The following PDK1 variants were observed in gnomAD, a reference collection of about 807,000 sequenced individuals.
PDK1 encodes [Pyruvate dehydrogenase (acetyl-transferring)] kinase isozyme 1, mitochondrial.
Under a neutral mutation model 54.2 loss-of-function variants are expected in PDK1, and 39 were observed. That is an observed-to-expected ratio of 0.72 (90% confidence interval 0.56 to 0.94). The LOEUF (loss-of-function observed/expected upper bound fraction) is 0.94. Among genes scored for constraint, PDK1 ranks in the 40% least tolerant of loss-of-function variants. The probability of loss-of-function intolerance (pLI) is 0.00; values close to 1 mark genes in which losing one functional copy is unlikely to be tolerated. For missense variants in PDK1, 552 were observed against 566.0 expected (o/e 0.98, Z 0.25); for synonymous variants, 221 against 207.1 (o/e 1.07, Z -0.58).
In PDK1 at chr2:172,562,865, T is replaced by C. The variant is rs994253834; in HGVS notation, c.410+574T>C. On this transcript the variant is annotated intron_variant, in intron 3 of 10. Coordinates refer to ENST00000282077, the MANE Select transcript of PDK1 (RefSeq NM_002610.5). ...TTGGTAAACCAAAGTATTTGCCTTA[T>C]GCAGCTACCTGCTTATTGCAGTGAA... is the stretch of plus-strand genomic sequence containing the variant. 5 of 1,440,764 alleles carry C rather than the reference T, an allele frequency of 3.5e-6. No homozygotes were observed. The Admixed American group carries it at 7.4e-5, about 21-fold the overall frequency. The allele number at this position is 1,440,764 out of a possible 1,614,324, so 89.2% of individuals were successfully genotyped here.
At chr2:172,576,351 T>G (rs191666550) in intron 8 of PDK1, among the ~76,000 whole-genome samples, 202 of 150,114 alleles carry the variant, frequency 1.3e-3, no homozygotes, top group African/African-American at 4.8e-3. Flanking sequence ...ATGTCCCCAC[T>G]TTCATTCCTG....
intron 8 of PDK1, among the ~76,000 whole-genome samples, chr2:172,580,890 GA>G (rs1689865945): frequency 6.6e-6 from 1 of 151,956 alleles, no homozygotes; most frequent in Non-Finnish European, 1.5e-5. Flanking sequence ...TTATTTACAT[GA>G]AATGTCCAGA....
the PDK1 span, among the ~76,000 whole-genome samples, chr2:172,705,180 AT>A: frequency 6.6e-6 from 1 of 152,252 alleles, no homozygotes; most frequent in Non-Finnish European, 1.5e-5. Context: ...GTACAAAAAA[AT>A]GTACAAAATT....
intron 8 of PDK1, among the ~76,000 whole-genome samples, chr2:172,571,849 T>TTTTTTTTG (rs1553480311): frequency 7.3e-6 from 1 of 136,680 alleles, no homozygotes; most frequent in Non-Finnish European, 1.6e-5. Flanking sequence ...TTTTTTTTTT[T>TTTTTTTTG]GAGATGGAGT....
At chr2:172,638,734 A>G in the PDK1 span, among the ~76,000 whole-genome samples, 1 of 152,142 alleles carries the variant, frequency 6.6e-6, no homozygotes, top group Non-Finnish European at 1.5e-5. Context: ...CTCTGTGTCT[A>G]GCTAATTGGG....
the PDK1 span, among the ~76,000 whole-genome samples, chr2:172,653,150 C>T: frequency 6.6e-6 from 1 of 152,034 alleles, no homozygotes; most frequent in Admixed American, 6.6e-5. Context: ...AGAACAGAGC[C>T]CTCGGAAATA....
At chr2:172,621,729 ATCTCATATATGTCATATATGTTTATATC>A in the PDK1 span, among the ~76,000 whole-genome samples, 1 of 146,804 alleles carries the variant, frequency 6.8e-6, no homozygotes, top group African/African-American at 2.5e-5. Flanking sequence ...ATATGTTTAT[ATCTCATATATGTCATATATGTTTATATC>A]TCATATATGT....
At chr2:172,635,999 C>G in the PDK1 span, among the ~76,000 whole-genome samples, 1 of 152,238 alleles carries the variant, frequency 6.6e-6, no homozygotes, top group Non-Finnish European at 1.5e-5. Context: ...CTAACCAAAA[C>G]TGATGTTTCC....
the PDK1 span, among the ~76,000 whole-genome samples, chr2:172,717,398 G>T: frequency 6.6e-6 from 1 of 152,148 alleles, no homozygotes; most frequent in Non-Finnish European, 1.5e-5. Context: ...AATAATAAAC[G>T]CTTGTTGTTT....
At chr2:172,643,558 C>T in the PDK1 span, among the ~76,000 whole-genome samples, 1 of 152,176 alleles carries the variant, frequency 6.6e-6, no homozygotes, top group African/African-American at 2.4e-5. Context: ...CAGGCCTCCT[C>T]CTTAGGTCTA....
chr2:172,710,659 T>C, the PDK1 span, among the ~76,000 whole-genome samples: 10 of 152,262 alleles, frequency 6.6e-5, no homozygotes, highest in African/African-American at 2.4e-4. Flanking sequence ...AAGAAATTCA[T>C]GTTTTCCTTC....
Position 172,603,543 on chromosome 2 carries a change from A to G in PDK1, c.*7574A>G, listed in dbSNP as rs998910089. The G allele has an allele frequency of 6.6e-6, 1 of 152,196 alleles. No individual in the cohort carries two copies. The highest frequency in any genetic ancestry group is 1.5e-5 in the Non-Finnish European group (1 of 68,040). The allele number at this position is 152,196 out of a possible 1,614,324, so 9.4% of individuals were successfully genotyped here. ...TTGAGTGGTTAATGAGAGCTTCACT[A>G]ATGTTGTCTGCTGCAGGCAATAAGT... is the stretch of plus-strand genomic sequence containing the variant. On this transcript the variant is annotated 3_prime_UTR_variant, in exon 11 of 11. Transcript: ENST00000282077.
chr2:172,710,635 C>T, the PDK1 span, among the ~76,000 whole-genome samples: 1 of 152,222 alleles, frequency 6.6e-6, no homozygotes, highest in Non-Finnish European at 1.5e-5. Context: ...CAAGGACTGG[C>T]TGTAAAGGAA....
At chr2:172,641,464 C>T in the PDK1 span, among the ~76,000 whole-genome samples, 145 of 138,552 alleles carry the variant, frequency 1.0e-3, 1 homozygote, top group Middle Eastern at 8.3e-3. Flanking sequence ...TTTTTTGAGA[C>T]GGAGTCTTGC....
At chr2:172,718,930 C>T in the PDK1 span, among the ~76,000 whole-genome samples, 1 of 152,184 alleles carries the variant, frequency 6.6e-6, no homozygotes. Flanking sequence ...ACTACCACTA[C>T]ATTCAAGATA....
the PDK1 span, among the ~76,000 whole-genome samples, chr2:172,719,638 T>C: frequency 6.6e-6 from 1 of 152,222 alleles, no homozygotes; most frequent in Admixed American, 6.5e-5. Flanking sequence ...AATATATGTT[T>C]ATTTCCAATA....
chr2:172,575,730 G>A (rs755399290), intron 8 of PDK1, among the ~76,000 whole-genome samples: 8 of 152,138 alleles, frequency 5.3e-5, no homozygotes, highest in Non-Finnish European at 8.8e-5. Flanking sequence ...GCTGAGGCAG[G>A]AGAATCACTT....
the PDK1 span, among the ~76,000 whole-genome samples, chr2:172,669,098 C>T: frequency 2.2e-5 from 3 of 135,016 alleles, no homozygotes; most frequent in Admixed American, 1.6e-4. Context: ...CTCGCTCTGT[C>T]GCCCAGGCTG....
At chr2:172,630,065 CT>C in the PDK1 span, among the ~76,000 whole-genome samples, 1 of 152,214 alleles carries the variant, frequency 6.6e-6, no homozygotes, top group African/African-American at 2.4e-5. Flanking sequence ...AAGCCTACTA[CT>C]CCCCAACCTT....
Sources: gnomAD v4.1 joint callset for allele counts (sites outside exome capture counted in the v4.1 genomes callset) on GRCh38, gnomAD v4.1.1 for gene constraint, MANE v1.5 for transcripts, NCBI Gene and HGNC (gene_info 2026-07-23, HGNC 2026-07-21) for gene names.